Variants in SCHIP1 observed in about 807,000 individuals in gnomAD.
SCHIP1 encodes the protein schwannomin-interacting protein 1.
In SCHIP1, 8 loss-of-function variants were observed where a neutral mutation model predicts 29.7. The observed-to-expected ratio is 0.27, with a 90% CI of 0.16 to 0.49. The LOEUF (loss-of-function observed/expected upper bound fraction) is 0.49. SCHIP1 is among the 20% of genes least tolerant of loss of function. The probability of loss-of-function intolerance (pLI) is 0.99; values close to 1 mark genes in which losing one functional copy is unlikely to be tolerated. For synonymous variants in SCHIP1, 76 were observed against 94.9 expected, an observed-to-expected ratio of 0.80 and a Z score of 1.16; for missense variants, 193 against 294.6, an observed-to-expected ratio of 0.66 and a Z score of 2.52.
At chr3:159,502,161 C>T in the SCHIP1 span, among the ~76,000 whole-genome samples, 1 of 152,208 alleles carries the variant, frequency 6.6e-6, no homozygotes, top group Non-Finnish European at 1.5e-5. Flanking sequence ...TTCTAACCAA[C>T]TATAAACCTG....
the SCHIP1 span, among the ~76,000 whole-genome samples, chr3:159,572,888 G>T: frequency 0.012 from 1,807 of 149,290 alleles, 33 homozygotes; most frequent in African/African-American, 0.042. Context: ...TTTGATCTTT[G>T]TTGGTTTAAA....
At chr3:159,438,142 C>G in the SCHIP1 span, among the ~76,000 whole-genome samples, 3 of 152,248 alleles carry the variant, frequency 2.0e-5, no homozygotes, top group East Asian at 5.8e-4. Flanking sequence ...GCTGCAGAGT[C>G]TTTTGTTTGA....
At chr3:159,453,299 G>T in the SCHIP1 span, among the ~76,000 whole-genome samples, 1 of 152,174 alleles carries the variant, frequency 6.6e-6, no homozygotes, top group East Asian at 1.9e-4. Context: ...AAACTGCCAT[G>T]CCTGCATCAC....
At chr3:159,890,794 T>C (rs1378633149) in intron 5 of SCHIP1, among the ~76,000 whole-genome samples, 1 of 152,128 alleles carries the variant, frequency 6.6e-6, no homozygotes, top group African/African-American at 2.4e-5. Flanking sequence ...GGGCTCTCTT[T>C]TTAAAAATGG....
the SCHIP1 span, among the ~76,000 whole-genome samples, chr3:159,798,444 T>A: frequency 6.6e-6 from 1 of 152,170 alleles, no homozygotes; most frequent in East Asian, 1.9e-4. Flanking sequence ...TTCATTATCA[T>A]GATTTACTTT....
chr3:159,871,571 G>T (rs1186565935), intron 2 of SCHIP1, among the ~76,000 whole-genome samples: 2 of 152,124 alleles, frequency 1.3e-5, no homozygotes, highest in Non-Finnish European at 2.9e-5. Flanking sequence ...TAGAATGGCT[G>T]AATAAGGACA....
At chr3:159,753,728 G>A in the SCHIP1 span, among the ~76,000 whole-genome samples, 1 of 152,154 alleles carries the variant, frequency 6.6e-6, no homozygotes, top group East Asian at 1.9e-4. Context: ...TCCTTGAGTG[G>A]CTGTTAGGAT....
At chr3:159,688,934 T>A in the SCHIP1 span, among the ~76,000 whole-genome samples, 1 of 152,236 alleles carries the variant, frequency 6.6e-6, no homozygotes, top group South Asian at 2.1e-4. Context: ...TTGTGAGGCC[T>A]CTGTTCTGTT....
At chr3:159,764,920 G>A in the SCHIP1 span, 9 of 1,520,708 alleles carry the variant, frequency 5.9e-6, no homozygotes, top group Admixed American at 6.7e-5. The surrounding 1 kb of genome is among the most constrained non-coding windows in gnomAD (Gnocchi z 6.1). Flanking sequence ...CCCCCGCCGG[G>A]CGATCCAAAA....
At chr3:159,671,952 T>C in the SCHIP1 span, among the ~76,000 whole-genome samples, 1 of 152,138 alleles carries the variant, frequency 6.6e-6, no homozygotes, top group Non-Finnish European at 1.5e-5. Flanking sequence ...GGAGAGCACT[T>C]GGTACTAAAA....
the SCHIP1 span, among the ~76,000 whole-genome samples, chr3:159,689,172 T>A: frequency 6.6e-6 from 1 of 152,252 alleles, no homozygotes; most frequent in African/African-American, 2.4e-5. Flanking sequence ...CCACTGAATC[T>A]ACAAATTACT....
chr3:159,423,805 C>G, the SCHIP1 span, among the ~76,000 whole-genome samples: 1 of 152,050 alleles, frequency 6.6e-6, no homozygotes, highest in Non-Finnish European at 1.5e-5. Flanking sequence ...CTGGGAGGCA[C>G]CCCCCAGTAG....
chr3:159,677,509 G>A, the SCHIP1 span, among the ~76,000 whole-genome samples: 4 of 152,176 alleles, frequency 2.6e-5, no homozygotes, highest in Non-Finnish European at 5.9e-5. Context: ...GAAAGTCTGA[G>A]GATCCTAAAT....
the SCHIP1 span, among the ~76,000 whole-genome samples, chr3:159,706,742 C>T: frequency 6.6e-6 from 1 of 152,102 alleles, no homozygotes; most frequent in African/African-American, 2.4e-5. Context: ...GTGGCTGCCA[C>T]TAGTGGTCAG....
At chr3:159,328,704 C>T in the SCHIP1 span, among the ~76,000 whole-genome samples, 9 of 152,082 alleles carry the variant, frequency 5.9e-5, no homozygotes, top group African/African-American at 2.2e-4. Flanking sequence ...GTGGGCCAGG[C>T]TGGGTGTTTG....
At chr3:159,348,400 C>A in the SCHIP1 span, among the ~76,000 whole-genome samples, 1 of 152,156 alleles carries the variant, frequency 6.6e-6, no homozygotes, top group African/African-American at 2.4e-5. Context: ...AATATTAAAC[C>A]ATATTTACAC....
the SCHIP1 span, among the ~76,000 whole-genome samples, chr3:159,686,862 A>G: frequency 6.6e-6 from 1 of 152,128 alleles, no homozygotes; most frequent in Admixed American, 6.5e-5. Context: ...GAACTAATCT[A>G]AGTTCCAGGG....
the SCHIP1 span, among the ~76,000 whole-genome samples, chr3:159,628,265 G>A: frequency 6.6e-6 from 1 of 152,154 alleles, no homozygotes; most frequent in African/African-American, 2.4e-5. Flanking sequence ...TACAAAGCTT[G>A]GAACGAGCTG....
intron 6 of SCHIP1, among the ~76,000 whole-genome samples, chr3:159,896,461 T>A (rs1273910461): frequency 6.6e-6 from 1 of 152,230 alleles, no homozygotes; most frequent in African/African-American, 2.4e-5. Context: ...AAACAGAACT[T>A]TTCTTCTTAA....
Sources: allele counts gnomAD v4.1 joint callset (sites outside exome capture counted in the v4.1 genomes callset), GRCh38; gene constraint gnomAD v4.1.1; non-coding constraint Gnocchi (gnomAD v3.1); transcripts MANE v1.5; gene names NCBI Gene and HGNC (gene_info 2026-07-23, HGNC 2026-07-21).